Variants in SIGLEC1 observed in about 807,000 individuals in gnomAD.
The protein encoded by SIGLEC1 is sialic acid binding Ig like lectin 1, also known as sialoadhesin.
In SIGLEC1, 132 loss-of-function variants were observed where a neutral mutation model predicts 148.0. The ratio of observed to expected loss-of-function variants is 0.89; its 90% confidence interval spans 0.77 to 1.03. The LOEUF (loss-of-function observed/expected upper bound fraction) is 1.03, where lower values mean the gene tolerates loss of function less well. Among genes scored for constraint, SIGLEC1 ranks in the 50% least tolerant of loss-of-function variants. The pLI, the probability that SIGLEC1 is intolerant of heterozygous loss-of-function variation, is 0.00. For synonymous variants in SIGLEC1, 945 were observed against 969.0 expected (o/e 0.98, Z 0.46); for missense variants, 2,253 against 2,271.4 (o/e 0.99, Z 0.16).
Position 3,690,235 on chromosome 20 carries a change from A to T in SIGLEC1, c.4621T>A (p.Phe1541Ile). 6.4e-7 allele frequency: 1 copy of T among 1,551,714 alleles called. No individual in the cohort carries two copies. The highest frequency in any genetic ancestry group is 2.4e-5 in the East Asian group (1 of 41,088). ...CGGAGGCCACCCTCAGGCTCCACGAAGACCATCATGGTGGGCGTCTTGGGA... is the reference window on the plus strand; with the variant it reads ...CGGAGGCCACCCTCAGGCTCCACGATGACCATCATGGTGGGCGTCTTGGGA... The part of the protein sequence containing the change: ...YPPKTPTMMV[F>I]VEPEGGLRGI... The change falls in exon 19 of 22, where the codon TTC becomes ATC. Residue 1541 changes from phenylalanine (F) to isoleucine (I), a missense_variant. By Grantham distance (21) the Phe-to-Ile change is conservative. Coordinates refer to ENST00000344754, the MANE Select transcript of SIGLEC1 (RefSeq NM_023068.4).
chr20:3,701,108 G>T (rs570979892), intron 7 of SIGLEC1, among the ~76,000 whole-genome samples: 71 of 152,370 alleles, frequency 4.7e-4, no homozygotes, highest in African/African-American at 1.7e-3. Context: ...GACTCTCCAA[G>T]TTTAGGGTCA....
At position 3,707,186 on chromosome 20, in the gene SIGLEC1, G is replaced by A. The variant is rs2087903461; in HGVS notation, c.-58C>T. ...AGGGTGGTGCGCACTGCGCTGGCTG[G>A]GCTCACAGGGGCCTCCAGGGACACC... On this transcript the variant is annotated 5_prime_UTR_variant, in exon 2 of 22. Coordinates refer to ENST00000344754, the MANE Select transcript of SIGLEC1 (RefSeq NM_023068.4). 6.6e-7 allele frequency: 1 copy of A among 1,513,648 alleles called. No individual in the cohort carries two copies. Among genetic ancestry groups the A allele is most frequent in the African/African-American group, 1.4e-5 (1 of 72,970 alleles). 93.8% of individuals were successfully genotyped at this position (1,513,648 alleles called of 1,614,324 possible). A position where few individuals can be genotyped will look rare whatever the true frequency, so the allele number is the denominator to read the frequency against.
chr20:3,690,888 T>C (rs1299938355), intron 18 of SIGLEC1, among the ~76,000 whole-genome samples: 1 of 150,364 alleles, frequency 6.7e-6, no homozygotes. Context: ...TGGAGTGCGT[T>C]GTGGTGATCT....
At chr20:3,689,315 G>C (rs2088731208) in intron 20 of SIGLEC1, 88 bp from the exon 21 acceptor site, 1 of 1,173,444 alleles carries the variant, frequency 8.5e-7, no homozygotes, top group African/African-American at 1.5e-5. Flanking sequence ...GCTGGCTCCA[G>C]ACCACAAGAG....
intron 19 of SIGLEC1, 46 bp downstream of exon 19, chr20:3,689,916 G>C (rs1469758012): frequency 6.6e-7 from 1 of 1,524,112 alleles, no homozygotes; most frequent in South Asian, 1.2e-5. Context: ...CTAAGAGCTG[G>C]GCTTTTGTGC....
chr20:3,696,141 A>AACACACAC (rs71195853), intron 11 of SIGLEC1, among the ~76,000 whole-genome samples: 101 of 145,184 alleles, frequency 7.0e-4, no homozygotes, highest in African/African-American at 2.3e-3. Context: ...CACACACACA[A>AACACACAC]ACACACACAC....
Position 3,694,531 on chromosome 20 carries a change from A to G in SIGLEC1, c.2946T>C (p.Tyr982=). 2 of 1,559,756 alleles carry G rather than the reference A, an allele frequency of 1.3e-6. No homozygotes were observed. Among genetic ancestry groups the G allele is most frequent in the Non-Finnish European group, 8.7e-7 (1 of 1,150,206 alleles). Residue 982 remains tyrosine, a splice_region_variant and synonymous_variant, in exon 13 of 22, where the codon TAT becomes TAC. Coordinates refer to ENST00000344754, the MANE Select transcript of SIGLEC1 (RefSeq NM_023068.4). ...TAGTGAGTGTGACGTGGCGTGGGGC[A>G]TCTACACAGGGTGGGGAGTGGTCAG... ...LAAPISLHVS[Y]APRHVTLTTL...
At chr20:3,693,933 C>A (rs2088793204) in intron 13 of SIGLEC1, among the ~76,000 whole-genome samples, 1 of 152,216 alleles carries the variant, frequency 6.6e-6, no homozygotes, top group South Asian at 2.1e-4. Flanking sequence ...GAGCCCCTCC[C>A]TGACCCTGGC....
At position 3,701,406 on chromosome 20, in the gene SIGLEC1, C is replaced by G; in HGVS notation, c.1464G>C (p.Glu488Asp). 1 of 1,614,178 alleles carries G rather than the reference C, an allele frequency of 6.2e-7. No homozygotes were observed. The highest frequency in any genetic ancestry group is 8.5e-7 in the Non-Finnish European group (1 of 1,180,012). ...GGGAGTTGGTGGCTGAGCACTTGTA[C>G]TCCCCACTGTCAGTTTCCTCCAGGT... ...IRDLEETDSG[E>D]YKCSATNSLG... The change falls in exon 7 of 22, where the codon GAG becomes GAC. Residue 488 changes from glutamate to aspartate, a missense_variant. Transcript: ENST00000344754.
At chr20:3,709,967 T>A (rs1484617039) in intron 1 of SIGLEC1, among the ~76,000 whole-genome samples, 1 of 152,144 alleles carries the variant, frequency 6.6e-6, no homozygotes. Flanking sequence ...GTTCTGGAAA[T>A]AGTGGTGATG....
In SIGLEC1 at chr20:3,701,378, C is replaced by T. The variant is rs776051692; in HGVS notation, c.1492G>A (p.Gly498Arg). The T allele has an allele frequency of 6.2e-6, 10 of 1,613,658 alleles. No individual in the cohort carries two copies. Among genetic ancestry groups the T allele is most frequent in the Non-Finnish European group, 6.8e-6 (8 of 1,179,758 alleles). Residue 498 changes from glycine (G) to arginine (R), a missense_variant, in exon 7 of 22, where the codon GGA (glycine) becomes AGA (arginine). By Grantham distance (125) the Gly-to-Arg change is moderately radical (BLOSUM62 -2). Coordinates refer to ENST00000344754, the MANE Select transcript of SIGLEC1 (RefSeq NM_023068.4). ...EYKCSATNSL[G>R]NATSTLDFHA... Reference sequence around the variant, plus strand: ...AAGTCCAGGGTGGAGGTTGCATTTCCAAGGGAGTTGGTGGCTGAGCACTTG... The same window carrying T: ...AAGTCCAGGGTGGAGGTTGCATTTCTAAGGGAGTTGGTGGCTGAGCACTTG...
At position 3,699,363 on chromosome 20, in the gene SIGLEC1, C is replaced by T. The variant is rs747700616; in HGVS notation, c.1625G>A (p.Arg542His). The change falls in exon 8 of 22, where the codon CGC (arginine) becomes CAC (histidine). Residue 542 changes from arginine (R) to histidine (H), a missense_variant. Coordinates refer to ENST00000344754, the MANE Select transcript of SIGLEC1 (RefSeq NM_023068.4). ...RSGLSPTPDA[R>H]FSWYLNGALL... is the part of the protein sequence containing the mutation. ...GGCTCCATTCAGGTACCAGGAGAAGCGGGCATCAGGTGTGGGGCTTAGGCC... is the reference window on the plus strand; with the variant it reads ...GGCTCCATTCAGGTACCAGGAGAAGTGGGCATCAGGTGTGGGGCTTAGGCC... The T allele has an allele frequency of 1.6e-5, 25 of 1,608,406 alleles. No homozygotes were observed. The highest frequency in any genetic ancestry group is 2.7e-5 in the African/African-American group (2 of 74,890).
rs185663284 is a variant in SIGLEC1 at position 3,689,512 on chromosome 20, G to A, written c.4997+88C>T. 59 of 879,992 alleles carry A rather than the reference G, an allele frequency of 6.7e-5. No homozygotes were observed. In the African/African-American group the frequency reaches 7.8e-4, roughly 12 times the overall value. The allele number at this position is 879,992 out of a possible 1,614,324, so 54.5% of individuals were successfully genotyped here. ...AGGCAGCCTGTGAACTTAATAGGAG[G>A]TCCTAAAGGACCTGGGGGAATTTGG... On this transcript the variant is annotated intron_variant, in intron 20 of 21. Transcript: ENST00000344754.
chr20:3,693,663 G>T lies in SIGLEC1; in HGVS notation c.3292C>A (p.Arg1098=), dbSNP rs767323720. ...NVQVWPGATV[R]EGQLVNLTCL... ...GTCAGGTTCACCAGCTGCCCCTCCC[G>T]CACGGTAGCCCCGGGCCACACCTGC... is the stretch of plus-strand genomic sequence containing the variant. The change falls in exon 14 of 22, where the codon CGG becomes AGG. Residue 1098 remains arginine (R), a synonymous_variant. Transcript: ENST00000344754. 8 of 1,605,306 alleles carry T rather than the reference G, an allele frequency of 5.0e-6. No individual in the cohort carries two copies. The South Asian group carries it at 6.7e-5, about 13-fold the overall frequency.
intron 9 of SIGLEC1, 134 bp downstream of exon 9, chr20:3,697,664 T>C (rs1195703206): frequency 6.3e-6 from 5 of 799,378 alleles, no homozygotes; most frequent in African/African-American, 5.2e-5. Flanking sequence ...CCGCTCTTCC[T>C]GAATGTGGAG....
intron 20 of SIGLEC1, 137 bp from the exon 21 acceptor site, chr20:3,689,364 T>C (rs1186867300): frequency 1.2e-6 from 1 of 801,376 alleles, no homozygotes; most frequent in Non-Finnish European, 2.1e-6. Context: ...TCCTCTGTCT[T>C]CCTCCCTAGC....
At chr20:3,708,734 G>A (rs2087912496) in intron 1 of SIGLEC1, among the ~76,000 whole-genome samples, 2 of 152,046 alleles carry the variant, frequency 1.3e-5, no homozygotes. Context: ...CTGGGTGACA[G>A]AGCAAGACCC....
At position 3,706,410 on chromosome 20, in the gene SIGLEC1, G is replaced by A. The variant is rs376584803; in HGVS notation, c.346C>T (p.Arg116Cys). Residue 116 changes from arginine (R) to cysteine (C), a missense_variant, in exon 3 of 22, where the codon CGC becomes TGC. Coordinates refer to ENST00000344754, the MANE Select transcript of SIGLEC1 (RefSeq NM_023068.4). ...QPEDSGSYNFRFEISEVNRWS... is the reference protein window; with the variant it reads ...QPEDSGSYNFCFEISEVNRWS... The stretch of plus-strand genomic sequence containing the variant: ...CGGTTGACCTCACTGATCTCGAAGC[G>A]GAAGTTGTAGGAACCAGAGTCCTCG... The A allele has an allele frequency of 1.1e-5, 17 of 1,614,030 alleles. No individual in the cohort carries two copies. Among genetic ancestry groups the A allele is most frequent in the Non-Finnish European group, 1.4e-5 (16 of 1,180,020 alleles).
chr20:3,696,756 G>C lies in SIGLEC1; in HGVS notation c.2513C>G (p.Thr838Ser). The C allele has an allele frequency of 6.2e-7, 1 of 1,613,240 alleles. No individual in the cohort carries two copies. Among genetic ancestry groups the C allele is most frequent in the East Asian group, 2.2e-5 (1 of 44,882 alleles). The change falls in exon 11 of 22, where the codon ACC (threonine) becomes AGC (serine). Residue 838 changes from threonine (T) to serine (S), a missense_variant. Coordinates refer to ENST00000344754, the MANE Select transcript of SIGLEC1 (RefSeq NM_023068.4). ...ALFHGEHLLA[T>S]SLGPQVPSHG... ...GGATGGGACCTGGGGACCCAGGCTG[G>C]TGGCCAGGAGGTGCTCCCCATGGAA...
Sources: gnomAD v4.1 joint callset for allele counts (sites outside exome capture counted in the v4.1 genomes callset) on GRCh38, gnomAD v4.1.1 for gene constraint, MANE v1.5 for transcripts, NCBI Gene and HGNC (gene_info 2026-07-23, HGNC 2026-07-21) for gene names.